PCDHGB3: variants seen among roughly 807,000 people sequenced by gnomAD.
The protein encoded by PCDHGB3 is protocadherin gamma subfamily B, 3, also known as protocadherin gamma-B3.
In PCDHGB3, 40 loss-of-function variants were observed where a neutral mutation model predicts 59.2. The observed-to-expected ratio is 0.68, with a 90% CI of 0.52 to 0.88. The LOEUF (loss-of-function observed/expected upper bound fraction) is 0.88, where lower values mean the gene tolerates loss of function less well. PCDHGB3 is among the 40% of genes least tolerant of loss of function. PCDHGB3 has a pLI of 0.00. For synonymous variants in PCDHGB3, 581 were observed against 503.6 expected (o/e 1.15, Z -2.06); for missense variants, 1,309 against 1,187.9 (o/e 1.10, Z -1.50).
In PCDHGB3 at chr5:141,487,192, C is replaced by T. The variant is rs2099641028; in HGVS notation, c.2416-7615C>T. ...TAGAGGAAGACACTCATCCAGTTGT[C>T]CCAGATCTTCGAGAATCTTCAGCTC... On this transcript the variant is annotated intron_variant, in intron 1 of 3. Transcript: ENST00000576222. This position sits in a 1 kb window ranked among gnomAD's most constrained non-coding sequence, Gnocchi z 5.0. 15 of 1,613,748 alleles carry T rather than the reference C, an allele frequency of 9.3e-6. No individual in the cohort carries two copies. Among genetic ancestry groups the T allele is most frequent in the African/African-American group, 1.3e-5 (1 of 75,040 alleles).
intron 1 of PCDHGB3, chr5:141,405,646 T>G: frequency 1.9e-6 from 1 of 526,208 alleles, no homozygotes; most frequent in East Asian, 3.2e-5. Flanking sequence ...GGCTAATTTT[T>G]TGTGTGTTTT....
At position 141,487,194 on chromosome 5, in the gene PCDHGB3, C is replaced by T. The variant is rs148502966; in HGVS notation, c.2416-7613C>T. 2 of 1,613,868 alleles carry T rather than the reference C, an allele frequency of 1.2e-6. No homozygotes were observed. The highest frequency in any genetic ancestry group is 1.3e-5 in the African/African-American group (1 of 75,030). On this transcript the variant is annotated intron_variant, in intron 1 of 3. Coordinates refer to ENST00000576222, the MANE Select transcript of PCDHGB3 (RefSeq NM_018924.5). The surrounding 1 kb of genome is among the most constrained non-coding windows in gnomAD (Gnocchi z 5.0). ...GAGGAAGACACTCATCCAGTTGTCC[C>T]AGATCTTCGAGAATCTTCAGCTCCA... is the stretch of plus-strand genomic sequence containing the variant.
intron 1 of PCDHGB3, chr5:141,383,918 TA>T: frequency 6.2e-7 from 1 of 1,613,948 alleles, no homozygotes; most frequent in Non-Finnish European, 8.5e-7. Flanking sequence ...GTTTTAGATG[TA>T]AATGATAATG....
At chr5:141,414,037 T>C (rs769920301) in intron 1 of PCDHGB3, 2 of 1,611,060 alleles carry the variant, frequency 1.2e-6, no homozygotes, top group Admixed American at 1.7e-5. Context: ...ATTCCGAAAA[T>C]TACCTGACAC....
At chr5:141,430,877 G>A (rs1392342627) in intron 1 of PCDHGB3, 5 of 1,600,678 alleles carry the variant, frequency 3.1e-6, no homozygotes, top group African/African-American at 2.7e-5. Context: ...GGAAGAGCTG[G>A]AGAAAGGCTC....
chr5:141,469,049 G>A (rs916327969), intron 1 of PCDHGB3, among the ~76,000 whole-genome samples: 3 of 152,054 alleles, frequency 2.0e-5, no homozygotes, highest in African/African-American at 2.4e-5. Context: ...GGCCAAGGTG[G>A]GAGGATTGCT....
At chr5:141,408,226 GCGCCGGGCCGGCC>G (rs2095062452) in intron 1 of PCDHGB3, 1 of 1,562,288 alleles carries the variant, frequency 6.4e-7, no homozygotes, top group South Asian at 1.2e-5. Flanking sequence ...GCGCGCAGAG[GCGCCGGGCCGGCC>G]CGCGGCAGGT....
intron 1 of PCDHGB3, among the ~76,000 whole-genome samples, chr5:141,397,238 C>A (rs2093493095): frequency 6.6e-6 from 1 of 151,972 alleles, no homozygotes; most frequent in African/African-American, 2.4e-5. Flanking sequence ...AGAAGAGCAA[C>A]GTAGTAGGGT....
rs1376069004 is a variant in PCDHGB3 at position 141,457,869 on chromosome 5, G to T, written c.2416-36938G>T. On this transcript the variant is annotated intron_variant, in intron 1 of 3. Transcript: ENST00000576222. ...AAGTGACATTCTTCACTGACCACAG[G>T]TTAGGAACCCTGTGTGGGGACTGTG... 2.0e-5 allele frequency among the ~76,000 whole-genome samples: 3 copies of T among 152,334 alleles called. No individual in the cohort carries two copies. The East Asian group carries it at 5.8e-4, about 29-fold the overall frequency.
intron 1 of PCDHGB3, chr5:141,468,662 C>G (rs1381049343): frequency 6.6e-6 from 1 of 150,534 alleles, no homozygotes; most frequent in East Asian, 2.0e-4. Context: ...GTCAGGAGAT[C>G]AAGACCATCC....
At chr5:141,504,352 G>A (rs2099837588) in intron 2 of PCDHGB3, among the ~76,000 whole-genome samples, 3 of 152,016 alleles carry the variant, frequency 2.0e-5, no homozygotes, top group Admixed American at 1.3e-4. Flanking sequence ...TTTGTGCTAG[G>A]TGCTTCAGTA....
chr5:141,496,663 G>A (rs2099770279), intron 2 of PCDHGB3, among the ~76,000 whole-genome samples: 1 of 152,196 alleles, frequency 6.6e-6, no homozygotes, highest in Admixed American at 6.5e-5. Context: ...GACCCCAGCT[G>A]TTGTCCTTCT....
intron 1 of PCDHGB3, among the ~76,000 whole-genome samples, chr5:141,464,749 T>A (rs1026757405): frequency 6.6e-6 from 1 of 152,216 alleles, no homozygotes; most frequent in African/African-American, 2.4e-5. Context: ...ATCTTTTTGT[T>A]TTTTTAGAGA....
chr5:141,448,966 A>G (rs981772425), intron 1 of PCDHGB3, among the ~76,000 whole-genome samples: 5 of 152,118 alleles, frequency 3.3e-5, no homozygotes, highest in Non-Finnish European at 7.4e-5. Context: ...CAAACAAACA[A>G]AAAAGAACTT....
intron 1 of PCDHGB3, among the ~76,000 whole-genome samples, chr5:141,451,107 C>G (rs768308463): frequency 1.2e-4 from 18 of 152,118 alleles, no homozygotes; most frequent in Non-Finnish European, 2.4e-4. Context: ...GGATTACAGG[C>G]GTGAGCCACC....
chr5:141,427,710 G>T, intron 1 of PCDHGB3: 2 of 1,033,628 alleles, frequency 1.9e-6, no homozygotes, highest in South Asian at 2.6e-5. Context: ...CAGCGCCTCT[G>T]ACCTGGACCT....
chr5:141,400,465 T>G (rs769092002), intron 1 of PCDHGB3: 2 of 1,614,060 alleles, frequency 1.2e-6, no homozygotes, highest in Admixed American at 1.7e-5. Context: ...TTGTGGTGAT[T>G]CATCTGGGGC....
At chr5:141,379,296 G>T (rs537053500) in intron 1 of PCDHGB3, 18 of 152,178 alleles carry the variant, frequency 1.2e-4, no homozygotes, top group African/African-American at 4.1e-4. Flanking sequence ...GTTTCCAAAG[G>T]TATATACCTA....
At chr5:141,423,357 C>G in intron 1 of PCDHGB3, 1 of 1,614,214 alleles carries the variant, frequency 6.2e-7, no homozygotes. Context: ...TCTTTGTCAT[C>G]GTGCTGCTGG....
Sources: allele counts gnomAD v4.1 joint callset (sites outside exome capture counted in the v4.1 genomes callset), GRCh38; gene constraint gnomAD v4.1.1; non-coding constraint Gnocchi (gnomAD v3.1); transcripts MANE v1.5; gene names NCBI Gene and HGNC (gene_info 2026-07-23, HGNC 2026-07-21).